The following CHN2 variants were observed in gnomAD, a reference collection of about 807,000 sequenced individuals.
CHN2 encodes beta-chimaerin.
CHN2 carries 35 observed loss-of-function variants against 56.3 expected under a neutral mutation model. That is an observed-to-expected ratio of 0.62 (90% CI 0.47 to 0.82). The LOEUF (loss-of-function observed/expected upper bound fraction) is 0.82. CHN2 is among the 40% of genes least tolerant of loss of function. CHN2 has a pLI of 0.00. For synonymous variants in CHN2, 210 were observed against 212.8 expected, an observed-to-expected ratio of 0.99 and a Z score of 0.12; for missense variants, 491 against 580.5, an observed-to-expected ratio of 0.85 and a Z score of 1.58.
intron 1 of CHN2, among the ~76,000 whole-genome samples, chr7:29,257,774 A>G (rs1333187201): frequency 1.3e-5 from 2 of 152,092 alleles, no homozygotes; most frequent in East Asian, 3.9e-4. Context: ...ACACTCAAGT[A>G]TGCAGATTTA....
chr7:29,230,469 T>C (rs1411138660), intron 1 of CHN2, among the ~76,000 whole-genome samples: 1 of 152,014 alleles, frequency 6.6e-6, no homozygotes, highest in Non-Finnish European at 1.5e-5. Flanking sequence ...GCCTCCCGAG[T>C]AGCTGGGACT....
intron 1 of CHN2, among the ~76,000 whole-genome samples, chr7:29,333,458 T>G (rs1241519454): frequency 6.6e-6 from 1 of 152,144 alleles, no homozygotes; most frequent in East Asian, 1.9e-4. Context: ...TAAGAGCATT[T>G]CAGGAAGAAA....
chr7:29,320,181 AG>A (rs1476901509), intron 1 of CHN2, among the ~76,000 whole-genome samples: 4 of 152,212 alleles, frequency 2.6e-5, no homozygotes, highest in African/African-American at 9.7e-5. Flanking sequence ...TGGCAGAACT[AG>A]ATTAGAACCA....
intron 1 of CHN2, among the ~76,000 whole-genome samples, chr7:29,203,347 A>G (rs918704744): frequency 1.1e-4 from 16 of 151,802 alleles, no homozygotes; most frequent in Non-Finnish European, 1.3e-4. Flanking sequence ...CATACCTGTA[A>G]TCCCAGCTAT....
intron 7 of CHN2, among the ~76,000 whole-genome samples, chr7:29,491,133 T>C (rs1788620212): frequency 6.6e-6 from 1 of 152,174 alleles, no homozygotes. Flanking sequence ...TGCAAATATA[T>C]ATATTTGCTC....
chr7:29,331,241 G>T (rs1319634889), intron 1 of CHN2, among the ~76,000 whole-genome samples: 3 of 152,246 alleles, frequency 2.0e-5, no homozygotes, highest in Admixed American at 6.5e-5. Context: ...TTGAAGAGCA[G>T]TTAATGGAGG....
intron 4 of CHN2, among the ~76,000 whole-genome samples, chr7:29,394,535 C>T (rs550309976): frequency 4.1e-4 from 62 of 152,318 alleles, no homozygotes; most frequent in African/African-American, 1.4e-3. Context: ...TCTTAGGGGT[C>T]CCAGCCCCGT....
chr7:29,339,548 G>A (rs76576611), intron 1 of CHN2, among the ~76,000 whole-genome samples: 4,188 of 152,150 alleles, frequency 0.028, 183 homozygotes, highest in African/African-American at 0.094. Context: ...ATTGTTTTTT[G>A]TTAGCCATAT....
At position 29,514,211 on chromosome 7, in the gene CHN2, T is replaced by A. The variant is rs1373209455; in HGVS notation, c.*1476T>A. 1 of 152,654 alleles carries A rather than the reference T, an allele frequency of 6.6e-6. No homozygotes were observed. The highest frequency in any genetic ancestry group is 1.5e-5 in the Non-Finnish European group (1 of 68,042). 9.5% of individuals were successfully genotyped at this position (152,654 alleles called of 1,614,324 possible). A position where few individuals can be genotyped will look rare whatever the true frequency, so the allele number is the denominator to read the frequency against. On this transcript the variant is annotated 3_prime_UTR_variant, in exon 13 of 13. Transcript: ENST00000222792. Reference sequence around the variant, plus strand: ...TTGTTGTAGTTTATGTACTTCTTGATACTGTCAAAAAATTATCTGGAAATG... The same window carrying A: ...TTGTTGTAGTTTATGTACTTCTTGAAACTGTCAAAAAATTATCTGGAAATG...
At chr7:29,409,948 C>A (rs1284720667) in intron 6 of CHN2, among the ~76,000 whole-genome samples, 1 of 152,110 alleles carries the variant, frequency 6.6e-6, no homozygotes, top group African/African-American at 2.4e-5. Context: ...TGCTGTACAC[C>A]TATGGGGACT....
intron 3 of CHN2, among the ~76,000 whole-genome samples, chr7:29,387,177 G>A (rs1800978552): frequency 6.6e-6 from 1 of 152,172 alleles, no homozygotes; most frequent in Non-Finnish European, 1.5e-5. Flanking sequence ...GCACAGAGTA[G>A]CCACTCAATA....
chr7:29,391,811 C>T (rs116683216), intron 3 of CHN2, among the ~76,000 whole-genome samples: 6,626 of 152,260 alleles, frequency 0.044, 495 homozygotes, highest in African/African-American at 0.15. Context: ...GAGCCTAGAG[C>T]CCAGAACATA....
chr7:29,443,482 G>A (rs942269078), intron 6 of CHN2, among the ~76,000 whole-genome samples: 1 of 152,094 alleles, frequency 6.6e-6, no homozygotes, highest in Non-Finnish European at 1.5e-5. Context: ...TTCTCAGAAC[G>A]TATCTCTGTC....
At chr7:29,497,973 C>T (rs1014325261) in intron 8 of CHN2, among the ~76,000 whole-genome samples, 3 of 151,858 alleles carry the variant, frequency 2.0e-5, no homozygotes, top group Non-Finnish European at 4.4e-5. Flanking sequence ...TGGAGATGGC[C>T]GGTGGTAGTG....
intron 6 of CHN2, among the ~76,000 whole-genome samples, chr7:29,479,142 G>A (rs17158090): frequency 0.091 from 13,811 of 152,172 alleles, 843 homozygotes; most frequent in East Asian, 0.31. Flanking sequence ...GGATTTCCCT[G>A]CTTCTTTTCA....
At chr7:29,147,020 G>A in intron 2 of CHN2, 1 of 1,547,752 alleles carries the variant, frequency 6.5e-7, no homozygotes, top group Non-Finnish European at 8.7e-7. Flanking sequence ...CTGCGCTGGA[G>A]TCTCAGAGCC....
At chr7:29,459,253 A>T (rs997639461) in intron 6 of CHN2, among the ~76,000 whole-genome samples, 4 of 152,318 alleles carry the variant, frequency 2.6e-5, no homozygotes, top group Non-Finnish European at 5.9e-5. Context: ...AGGATTTTGG[A>T]AAAACTGTCA....
In CHN2 at chr7:29,194,914, C is replaced by G. The variant is rs1369093957; in HGVS notation, c.-28C>G. The G allele has an allele frequency of 5.9e-6, 9 of 1,536,542 alleles. No individual in the cohort carries two copies. The East Asian group carries it at 2.4e-4, about 41-fold the overall frequency. On this transcript the variant is annotated 5_prime_UTR_variant, in exon 1 of 13. Transcript: ENST00000222792. ...CGGCGGCGTCCGCACCGGGGCTGAG[C>G]GAGCAGCGACGCGAGGGGCGCGCGG...
At chr7:29,438,521 C>G (rs1397498897) in intron 6 of CHN2, among the ~76,000 whole-genome samples, 1 of 151,288 alleles carries the variant, frequency 6.6e-6, no homozygotes, top group Non-Finnish European at 1.5e-5. Flanking sequence ...TTTTTTTTTC[C>G]ATGTTAGAAA....
Sources: gnomAD v4.1 joint callset for allele counts (sites outside exome capture counted in the v4.1 genomes callset) on GRCh38, gnomAD v4.1.1 for gene constraint, MANE v1.5 for transcripts, NCBI Gene and HGNC (gene_info 2026-07-23, HGNC 2026-07-21) for gene names.